Variants in GRAMD2A observed in about 807,000 individuals in gnomAD.
GRAMD2A encodes the protein GRAM domain containing 2A.
Under a neutral mutation model 51.1 loss-of-function variants are expected in GRAMD2A, and 37 were observed. The ratio of observed to expected loss-of-function variants is 0.72; its 90% CI spans 0.56 to 0.95. The LOEUF (loss-of-function observed/expected upper bound fraction) is 0.95, where lower values mean the gene tolerates loss of function less well. Among genes scored for constraint, GRAMD2A ranks in the 40% least tolerant of loss-of-function variants. The pLI is 0.00. For synonymous variants in GRAMD2A, 136 were observed against 157.1 expected, an observed-to-expected ratio of 0.87 and a Z score of 1.01; for missense variants, 414 against 426.9, an observed-to-expected ratio of 0.97 and a Z score of 0.27.
chr15:72,167,150 CTCCCT>C, intron 5 of GRAMD2A, 58 bp from the exon 6 acceptor site: 7 of 1,334,202 alleles, frequency 5.2e-6, no homozygotes, highest in Non-Finnish European at 6.5e-6. Context: ...GGTCCCTTTG[CTCCCT>C]GCCTAGGGAC....
Position 72,166,970 on chromosome 15 carries a change from G to A in GRAMD2A, c.471+24C>T. The A allele has an allele frequency of 6.3e-7, 1 of 1,575,818 alleles. No homozygotes were observed. The highest frequency in any genetic ancestry group is 8.7e-7 in the Non-Finnish European group (1 of 1,145,146). ...GGGCTGGGAGCGGGAGACTGACAAG[G>A]GAGCATGGGCCCAGTGCACTGACCT... On this transcript the variant is annotated intron_variant, in intron 6 of 11. Coordinates refer to ENST00000309731, the MANE Select transcript of GRAMD2A (RefSeq NM_001012642.3). The surrounding 1 kb of genome is among the most constrained non-coding windows in gnomAD (Gnocchi z 4.1).
At chr15:72,186,511 G>T (rs1166174433) in intron 1 of GRAMD2A, among the ~76,000 whole-genome samples, 1 of 152,014 alleles carries the variant, frequency 6.6e-6, no homozygotes, top group Non-Finnish European at 1.5e-5. Context: ...TTTTAGTAGA[G>T]ACAGGGTTTC....
intron 9 of GRAMD2A, 29 bp from the exon 10 acceptor site, chr15:72,163,505 A>G (rs1267817273): frequency 1.2e-6 from 2 of 1,601,112 alleles, no homozygotes; most frequent in African/African-American, 2.7e-5. Flanking sequence ...AAAAAAAATC[A>G]GCTCTCAGAA....
intron 1 of GRAMD2A, among the ~76,000 whole-genome samples, chr15:72,194,885 A>G (rs1406779637): frequency 6.6e-6 from 1 of 152,006 alleles, no homozygotes; most frequent in East Asian, 1.9e-4. Flanking sequence ...ATGGGGTTTT[A>G]CCATGTTGGC....
chr15:72,173,363 TC>T (rs2081627924), intron 1 of GRAMD2A, among the ~76,000 whole-genome samples: 1 of 152,024 alleles, frequency 6.6e-6, no homozygotes, highest in Admixed American at 6.5e-5. Context: ...CCCTCAGCCC[TC>T]CCCCAGCCTA....
intron 1 of GRAMD2A, among the ~76,000 whole-genome samples, chr15:72,186,331 T>A (rs565702449): frequency 1.3e-5 from 2 of 151,194 alleles, no homozygotes; most frequent in South Asian, 2.1e-4. Context: ...TTATTTAATT[T>A]TTTTTTTTTT....
intron 1 of GRAMD2A, among the ~76,000 whole-genome samples, chr15:72,174,787 A>G (rs961269917): frequency 8.5e-5 from 13 of 152,174 alleles, no homozygotes; most frequent in Non-Finnish European, 1.5e-4. Context: ...CAGGGATGGC[A>G]CCAGCACAGG....
At chr15:72,173,111 C>T (rs951617101) in intron 1 of GRAMD2A, among the ~76,000 whole-genome samples, 9 of 152,072 alleles carry the variant, frequency 5.9e-5, no homozygotes, top group Admixed American at 2.6e-4. Context: ...AGGCAGGGAG[C>T]CTGTTGCTTG....
At chr15:72,182,305 C>T (rs931065685) in intron 1 of GRAMD2A, among the ~76,000 whole-genome samples, 1 of 138,370 alleles carries the variant, frequency 7.2e-6, no homozygotes, top group African/African-American at 2.8e-5. Flanking sequence ...GTGGAGGTTG[C>T]AGTGAGCCAA....
At chr15:72,183,816 C>T (rs1382663068) in intron 1 of GRAMD2A, among the ~76,000 whole-genome samples, 3 of 152,222 alleles carry the variant, frequency 2.0e-5, no homozygotes, top group South Asian at 2.1e-4. Context: ...CAAAGGCAGT[C>T]CCTGAATTTA....
intron 1 of GRAMD2A, among the ~76,000 whole-genome samples, chr15:72,195,587 C>T (rs892611272): frequency 6.6e-6 from 1 of 152,160 alleles, no homozygotes; most frequent in African/African-American, 2.4e-5. Flanking sequence ...GCATACAAGT[C>T]TCTCTGGTCT....
intron 1 of GRAMD2A, among the ~76,000 whole-genome samples, chr15:72,191,699 C>T (rs994932251): frequency 1.3e-5 from 2 of 152,000 alleles, no homozygotes; most frequent in South Asian, 2.1e-4. Flanking sequence ...AGAATCTGAC[C>T]GAGACTGTAG....
In GRAMD2A at chr15:72,160,588, G is replaced by C. The variant is rs2081463066; in HGVS notation, c.*1421C>G. On this transcript the variant is annotated 3_prime_UTR_variant, in exon 12 of 12. Transcript: ENST00000309731. ...ATTTCATTCCCTGATTAATCTCTCA[G>C]TGTCTGAAGAGGGGAAAACAGTGGC... The C allele has an allele frequency of 6.6e-6, 1 of 152,132 alleles. No homozygotes were observed. Among genetic ancestry groups the C allele is most frequent in the Non-Finnish European group, 1.5e-5 (1 of 68,034 alleles). The allele number at this position is 152,132 out of a possible 1,614,324, so 9.4% of individuals were successfully genotyped here.
rs117739775 is a variant in GRAMD2A at position 72,197,291 on chromosome 15, C to T, written c.41+440G>A. Among the ~76,000 whole-genome samples, 83 of 152,318 alleles carry T rather than the reference C, an allele frequency of 5.4e-4. No individual in the cohort carries two copies. In the East Asian group the frequency reaches 0.016, roughly 29 times the overall value. On this transcript the variant is annotated intron_variant, in intron 1 of 11. Transcript: ENST00000309731. ...GGCGAGAGGAAACAGTCTGGCCCTC[C>T]AGGGGACGCAGGGAAATCCAACCTT... is the stretch of plus-strand genomic sequence containing the variant.
intron 1 of GRAMD2A, among the ~76,000 whole-genome samples, chr15:72,194,330 T>G (rs2081789967): frequency 6.6e-6 from 1 of 152,180 alleles, no homozygotes; most frequent in Non-Finnish European, 1.5e-5. Flanking sequence ...AAAGGAGAAA[T>G]TCTGAAAATA....
At chr15:72,169,745 G>T (rs2081589311) in intron 2 of GRAMD2A, 102 bp downstream of exon 2, 2 of 933,708 alleles carry the variant, frequency 2.1e-6, no homozygotes, top group South Asian at 2.7e-5. Context: ...CCTGCAAAGG[G>T]GCCCCGGCTC....
Position 72,165,406 on chromosome 15 carries a change from G to C in GRAMD2A, c.548C>G (p.Ser183Cys). ...LRRVCTHLQP[S>C]SKKSLSVREF... ...TCTTACACTCAGACTCTTCTTGCTG[G>C]AAGGCTGAGGAGGAAAGGGAACAGC... Residue 183 changes from serine (S) to cysteine (C), a missense_variant, in exon 8 of 12, where the codon TCC becomes TGC. Transcript: ENST00000309731. 6.2e-7 allele frequency: 1 copy of C among 1,614,036 alleles called. No individual in the cohort carries two copies. Among genetic ancestry groups the C allele is most frequent in the Non-Finnish European group, 8.5e-7 (1 of 1,179,964 alleles).
chr15:72,172,302 G>A (rs2081618626), intron 1 of GRAMD2A, among the ~76,000 whole-genome samples: 1 of 151,560 alleles, frequency 6.6e-6, no homozygotes, highest in South Asian at 2.1e-4. Flanking sequence ...CATTTTTTTT[G>A]TAGACAGCGG....
At chr15:72,164,982 T>A (rs2081525916) in intron 8 of GRAMD2A, among the ~76,000 whole-genome samples, 1 of 152,122 alleles carries the variant, frequency 6.6e-6, no homozygotes, top group South Asian at 2.1e-4. Flanking sequence ...CTACTAAAAA[T>A]ACAAAAATTA....
Sources: allele counts gnomAD v4.1 joint callset (sites outside exome capture counted in the v4.1 genomes callset), GRCh38; gene constraint gnomAD v4.1.1; non-coding constraint Gnocchi (gnomAD v3.1); transcripts MANE v1.5; gene names NCBI Gene and HGNC (gene_info 2026-07-23, HGNC 2026-07-21).